Variants in KCNMB2 observed in about 807,000 individuals in gnomAD.
The protein encoded by KCNMB2 is calcium-activated potassium channel subunit beta-2.
KCNMB2 carries 9 observed loss-of-function variants against 24.5 expected under a neutral mutation model. That is an observed-to-expected ratio of 0.37 (90% CI 0.22 to 0.64). The LOEUF (loss-of-function observed/expected upper bound fraction) is 0.64. Among genes scored for constraint, KCNMB2 ranks in the 30% least tolerant of loss-of-function variants. KCNMB2 has a pLI of 0.63. For missense variants in KCNMB2, 226 were observed against 284.3 expected, an observed-to-expected ratio of 0.79 and a Z score of 1.47; for synonymous variants, 109 against 104.4, an observed-to-expected ratio of 1.04 and a Z score of -0.27.
At chr3:178,696,478 C>G (rs1240297782) in intron 1 of KCNMB2, among the ~76,000 whole-genome samples, 3 of 152,048 alleles carry the variant, frequency 2.0e-5, no homozygotes, top group Non-Finnish European at 2.9e-5. Flanking sequence ...TTATTTGAAT[C>G]TTTTCTCTTT....
chr3:178,772,022 TAAA>T (rs1712389508), intron 1 of KCNMB2, among the ~76,000 whole-genome samples: 1 of 152,190 alleles, frequency 6.6e-6, no homozygotes, highest in Non-Finnish European at 1.5e-5. Context: ...CGCCTCTAGC[TAAA>T]TCCTTTACCT....
rs1038139929 is a variant in KCNMB2 at position 178,554,093 on chromosome 3, G to C, written c.-68+17382G>C. Among the ~76,000 whole-genome samples the C allele has an allele frequency of 4.6e-5, 7 of 152,034 alleles. No individual in the cohort carries two copies. In the South Asian group the frequency reaches 6.3e-4, roughly 14 times the overall value. The stretch of plus-strand genomic sequence containing the variant: ...ATGCTGATGATAAAGCTATGAGGTA[G>C]GTTTTTTTTTTAATATCTGTTTCTC... On this transcript the variant is annotated intron_variant, in intron 1 of 4. Coordinates refer to ENST00000452583, the MANE Select transcript of KCNMB2 (RefSeq NM_181361.3).
At chr3:178,715,608 T>C (rs1206288899) in intron 1 of KCNMB2, among the ~76,000 whole-genome samples, 1 of 152,204 alleles carries the variant, frequency 6.6e-6, no homozygotes, top group Non-Finnish European at 1.5e-5. Flanking sequence ...TGAGTCCTAC[T>C]GTAAATCAAG....
At chr3:178,761,170 C>G (rs1374145331) in intron 1 of KCNMB2, among the ~76,000 whole-genome samples, 2 of 152,116 alleles carry the variant, frequency 1.3e-5, no homozygotes, top group Non-Finnish European at 2.9e-5. Context: ...TAAAGAAAAT[C>G]TCCATGCTTA....
intron 2 of KCNMB2, among the ~76,000 whole-genome samples, chr3:178,812,479 C>T (rs1001567734): frequency 5.4e-5 from 8 of 147,882 alleles, no homozygotes; most frequent in African/African-American, 2.0e-4. Flanking sequence ...TGAGTGAGAA[C>T]ATGCGGTGTT....
chr3:178,578,910 C>T (rs562345625), intron 1 of KCNMB2, among the ~76,000 whole-genome samples: 10 of 152,208 alleles, frequency 6.6e-5, no homozygotes, highest in African/African-American at 2.2e-4. Context: ...CTAAGACTTC[C>T]ACACAATAAT....
intron 1 of KCNMB2, among the ~76,000 whole-genome samples, chr3:178,796,789 C>CA (rs1234158935): frequency 6.6e-6 from 1 of 151,804 alleles, no homozygotes; most frequent in African/African-American, 2.4e-5. Flanking sequence ...ACACCTACAT[C>CA]AAAAAAGTAG....
intron 1 of KCNMB2, among the ~76,000 whole-genome samples, chr3:178,618,595 A>T (rs570697277): frequency 6.6e-6 from 1 of 152,334 alleles, no homozygotes; most frequent in South Asian, 2.1e-4. Flanking sequence ...GGTAAAGGGA[A>T]GGTAATCTAT....
chr3:178,791,238 A>G (rs1713312063), intron 1 of KCNMB2, among the ~76,000 whole-genome samples: 1 of 152,244 alleles, frequency 6.6e-6, no homozygotes, highest in African/African-American at 2.4e-5. Context: ...CAACACAGAG[A>G]AGGAATTCAA....
intron 1 of KCNMB2, among the ~76,000 whole-genome samples, chr3:178,764,610 T>C (rs969796884): frequency 1.3e-5 from 2 of 152,172 alleles, no homozygotes; most frequent in Non-Finnish European, 1.5e-5. Flanking sequence ...AAAATATCCA[T>C]GTCATTAAGC....
chr3:178,602,876 A>G (rs1903811), intron 1 of KCNMB2, among the ~76,000 whole-genome samples: 102,012 of 152,144 alleles, frequency 0.67, 35,058 homozygotes, highest in African/African-American at 0.82. Flanking sequence ...CCCAGATGAC[A>G]CAGATGCAGC....
rs534828611 is a variant in KCNMB2 at position 178,702,198 on chromosome 3, C to T, written c.-67-105145C>T. On this transcript the variant is annotated intron_variant, in intron 1 of 4. Transcript: ENST00000452583. ...ATCACAAGGACAAAAAACCAAACAC[C>T]GCATGTTCTCACTCATAGGTGGGAA... 2.2e-3 allele frequency among the ~76,000 whole-genome samples: 319 copies of T among 146,778 alleles called. 3 individuals carry two copies. Among genetic ancestry groups the T allele is most frequent in the Non-Finnish European group, 3.9e-3 (264 of 67,424 alleles).
At chr3:178,755,347 A>G (rs1447102900) in intron 1 of KCNMB2, among the ~76,000 whole-genome samples, 1 of 152,124 alleles carries the variant, frequency 6.6e-6, no homozygotes, top group Admixed American at 6.6e-5. Context: ...TACACACCAC[A>G]CTGGGGGTGG....
At chr3:178,821,632 C>T (rs1714628598) in intron 2 of KCNMB2, among the ~76,000 whole-genome samples, 1 of 152,170 alleles carries the variant, frequency 6.6e-6, no homozygotes, top group Non-Finnish European at 1.5e-5. Context: ...CAATCACTTT[C>T]TTCCTCTTTA....
intron 1 of KCNMB2, among the ~76,000 whole-genome samples, chr3:178,573,970 T>G (rs1294262968): frequency 6.6e-6 from 1 of 152,040 alleles, no homozygotes; most frequent in African/African-American, 2.4e-5. Flanking sequence ...ATAAAGAAAC[T>G]TCACAGAGCG....
At chr3:178,778,441 T>C (rs1289423597) in intron 1 of KCNMB2, among the ~76,000 whole-genome samples, 1 of 124,410 alleles carries the variant, frequency 8.0e-6, no homozygotes, top group Non-Finnish European at 1.9e-5. Context: ...TTATGCCTGA[T>C]TTCTACCCTT....
chr3:178,696,048 G>A lies in KCNMB2; in HGVS notation c.-67-111295G>A, dbSNP rs149711893. ...AATTGACTCACAGTTCAGCTTGGCT[G>A]GGAGGCCTCAGGAAACTTACAATTG... On this transcript the variant is annotated intron_variant, in intron 1 of 4. Transcript: ENST00000452583. Among the ~76,000 whole-genome samples the A allele has an allele frequency of 9.8e-4, 150 of 152,310 alleles. 2 individuals are homozygous for A. Among genetic ancestry groups the A allele is most frequent in the Non-Finnish European group, 1.5e-3 (100 of 68,032 alleles).
chr3:178,562,476 C>A (rs1434390077), intron 1 of KCNMB2, among the ~76,000 whole-genome samples: 1 of 152,118 alleles, frequency 6.6e-6, no homozygotes, highest in Non-Finnish European at 1.5e-5. Context: ...GAAGAAGACC[C>A]AAGAGCTATA....
intron 1 of KCNMB2, among the ~76,000 whole-genome samples, chr3:178,745,792 G>T (rs1723647697): frequency 6.6e-6 from 1 of 152,330 alleles, no homozygotes. Flanking sequence ...CTGAAATCCA[G>T]CAGGGCAATC....
Sources: gnomAD v4.1 joint callset for allele counts (sites outside exome capture counted in the v4.1 genomes callset) on GRCh38, gnomAD v4.1.1 for gene constraint, MANE v1.5 for transcripts, NCBI Gene and HGNC (gene_info 2026-07-23, HGNC 2026-07-21) for gene names.